Variants in ZDHHC14 observed in about 807,000 individuals in gnomAD.
ZDHHC14 encodes the protein zDHHC palmitoyltransferase 14.
Under a neutral mutation model 47.7 loss-of-function variants are expected in ZDHHC14, and 16 were observed. The ratio of observed to expected loss-of-function variants is 0.34; its 90% CI spans 0.23 to 0.51. ZDHHC14 has a LOEUF of 0.51. Among genes scored for constraint, ZDHHC14 ranks in the 20% least tolerant of loss-of-function variants. The pLI is 0.97. For missense variants in ZDHHC14, 515 were observed against 662.5 expected (o/e 0.78, Z 2.44); for synonymous variants, 293 against 278.9 (o/e 1.05, Z -0.50).
chr6:157,422,992 C>T (rs1778141163), intron 1 of ZDHHC14, among the ~76,000 whole-genome samples: 2 of 152,206 alleles, frequency 1.3e-5, no homozygotes, highest in Non-Finnish European at 2.9e-5. Flanking sequence ...TACTCTTTCT[C>T]ATGCATTCTA....
At chr6:157,389,719 T>G (rs1378487948) in intron 1 of ZDHHC14, among the ~76,000 whole-genome samples, 2 of 152,208 alleles carry the variant, frequency 1.3e-5, no homozygotes, top group East Asian at 1.9e-4. Context: ...AATAATAGTA[T>G]TATTCTTCAC....
At chr6:157,466,236 A>G (rs1463031504) in intron 1 of ZDHHC14, among the ~76,000 whole-genome samples, 8 of 152,176 alleles carry the variant, frequency 5.3e-5, no homozygotes, top group Admixed American at 1.3e-4. Context: ...GGGTAAGTGC[A>G]GCTGCCAGCA....
At chr6:157,667,911 T>C (rs577988430) in intron 8 of ZDHHC14, among the ~76,000 whole-genome samples, 1 of 152,210 alleles carries the variant, frequency 6.6e-6, no homozygotes, top group South Asian at 2.1e-4. Flanking sequence ...GTCAGTAGAG[T>C]CATTGCACTA....
chr6:157,628,326 T>TA, intron 3 of ZDHHC14, 23 bp from the exon 4 acceptor site: 1 of 1,577,366 alleles, frequency 6.3e-7, no homozygotes, highest in Non-Finnish European at 8.5e-7. Context: ...CCACTTTTTT[T>TA]TTTTTTCTGC....
At chr6:157,651,097 G>A (rs576132945) in intron 7 of ZDHHC14, among the ~76,000 whole-genome samples, 1 of 152,252 alleles carries the variant, frequency 6.6e-6, no homozygotes, top group Admixed American at 6.5e-5. Context: ...TCCTGTAGTA[G>A]TTTCCTAGGG....
At chr6:157,568,615 T>A in intron 2 of ZDHHC14, among the ~76,000 whole-genome samples, 1 of 152,156 alleles carries the variant, frequency 6.6e-6, no homozygotes, top group East Asian at 1.9e-4. Context: ...CACTCAGTAT[T>A]CATGAAAATT....
intron 1 of ZDHHC14, among the ~76,000 whole-genome samples, chr6:157,519,752 G>GTTGT (rs1228836766): frequency 6.6e-6 from 1 of 152,088 alleles, no homozygotes; most frequent in Non-Finnish European, 1.5e-5. Flanking sequence ...TCGTTTTTTT[G>GTTGT]TTGTTTGTTT....
At chr6:157,384,240 A>G (rs1436088322) in intron 1 of ZDHHC14, among the ~76,000 whole-genome samples, 5 of 152,214 alleles carry the variant, frequency 3.3e-5, no homozygotes, top group Non-Finnish European at 7.3e-5. Flanking sequence ...CATTTTCTGT[A>G]TATACCCAAG....
At chr6:157,598,180 GTACA>G (rs1274446797) in intron 3 of ZDHHC14, among the ~76,000 whole-genome samples, 2 of 152,210 alleles carry the variant, frequency 1.3e-5, no homozygotes, top group Non-Finnish European at 2.9e-5. Context: ...CTTCACAGTT[GTACA>G]TTAAGAGTTT....
intron 1 of ZDHHC14, among the ~76,000 whole-genome samples, chr6:157,382,577 G>A (rs1376379164): frequency 6.6e-6 from 1 of 152,116 alleles, no homozygotes; most frequent in African/African-American, 2.4e-5. Context: ...TCCTTGGGGC[G>A]CTCTCTACCG....
chr6:157,572,570 T>C (rs1783141404), intron 2 of ZDHHC14, among the ~76,000 whole-genome samples: 1 of 151,854 alleles, frequency 6.6e-6, no homozygotes, highest in Non-Finnish European at 1.5e-5. Context: ...TGTATACATG[T>C]GCCATGTTGG....
chr6:157,659,288 A>C (rs1417172142), intron 8 of ZDHHC14, among the ~76,000 whole-genome samples: 1 of 152,198 alleles, frequency 6.6e-6, no homozygotes. Context: ...TATTTTTTAA[A>C]CATTCTGTGA....
At chr6:157,443,941 A>C (rs1479122942) in intron 1 of ZDHHC14, among the ~76,000 whole-genome samples, 1 of 152,218 alleles carries the variant, frequency 6.6e-6, no homozygotes, top group Non-Finnish European at 1.5e-5. Context: ...GTGTACCGTA[A>C]GCACTAGTAA....
At chr6:157,444,043 T>C (rs1562426864) in intron 1 of ZDHHC14, among the ~76,000 whole-genome samples, 3 of 152,222 alleles carry the variant, frequency 2.0e-5, no homozygotes, top group Non-Finnish European at 2.9e-5. Context: ...TAAGTCTTTA[T>C]GTAATATTTT....
intron 1 of ZDHHC14, among the ~76,000 whole-genome samples, chr6:157,440,345 C>T (rs930731348): frequency 1.3e-5 from 2 of 151,946 alleles, no homozygotes; most frequent in Non-Finnish European, 2.9e-5. Context: ...AAGTGAAAAC[C>T]ACCCTGAGAT....
intron 7 of ZDHHC14, among the ~76,000 whole-genome samples, chr6:157,650,791 G>A (rs1183315630): frequency 2.0e-5 from 3 of 152,182 alleles, no homozygotes; most frequent in African/African-American, 7.2e-5. Flanking sequence ...GAGGACTGTG[G>A]GGATCCCTGT....
At chr6:157,570,670 T>C (rs1488364033) in intron 2 of ZDHHC14, among the ~76,000 whole-genome samples, 1 of 152,164 alleles carries the variant, frequency 6.6e-6, no homozygotes. Context: ...TTAACTCAGT[T>C]AAACTAAAAA....
At chr6:157,436,460 TG>T (rs1306416675) in intron 1 of ZDHHC14, among the ~76,000 whole-genome samples, 2 of 151,886 alleles carry the variant, frequency 1.3e-5, no homozygotes, top group Non-Finnish European at 2.9e-5. Flanking sequence ...TTTAGGTCAG[TG>T]AATCTGGCAG....
intron 2 of ZDHHC14, among the ~76,000 whole-genome samples, chr6:157,567,194 C>T (rs1782935865): frequency 6.6e-6 from 1 of 151,980 alleles, no homozygotes; most frequent in East Asian, 1.9e-4. Flanking sequence ...AGGAGAACAC[C>T]AGGGATGGTT....
Sources: allele counts gnomAD v4.1 joint callset (sites outside exome capture counted in the v4.1 genomes callset), GRCh38; gene constraint gnomAD v4.1.1; transcripts MANE v1.5; gene names NCBI Gene and HGNC (gene_info 2026-07-23, HGNC 2026-07-21).